NLGN1: variants seen among roughly 807,000 people sequenced by gnomAD.
NLGN1 encodes the protein neuroligin-1.
A neutral mutation model predicts 65.5 loss-of-function variants in NLGN1; 12 were observed. That is an observed-to-expected ratio of 0.18 (90% CI 0.12 to 0.30). The LOEUF is 0.30. NLGN1 is among the 10% of genes least tolerant of loss of function. The pLI, the probability that NLGN1 is intolerant of heterozygous loss-of-function variation, is 1.00. For missense variants in NLGN1, 750 were observed against 1,007.1 expected, an observed-to-expected ratio of 0.74 and a Z score of 3.46; for synonymous variants, 350 against 359.5, an observed-to-expected ratio of 0.97 and a Z score of 0.30.
At chr3:173,972,886 G>C (rs1716586951) in intron 4 of NLGN1, among the ~76,000 whole-genome samples, 1 of 152,018 alleles carries the variant, frequency 6.6e-6, no homozygotes, top group African/African-American at 2.4e-5. Context: ...AAACTCTAGG[G>C]GTGGAGCCCA....
At chr3:174,017,050 G>T (rs1462796663) in intron 4 of NLGN1, among the ~76,000 whole-genome samples, 1 of 152,140 alleles carries the variant, frequency 6.6e-6, no homozygotes, top group East Asian at 1.9e-4. Context: ...ACAGTAGTGT[G>T]TGATCATAGT....
At chr3:173,836,698 C>T (rs1042037471) in intron 4 of NLGN1, among the ~76,000 whole-genome samples, 3 of 152,126 alleles carry the variant, frequency 2.0e-5, no homozygotes, top group African/African-American at 7.2e-5. Flanking sequence ...ACTTCCATCT[C>T]CCCCATTACT....
At chr3:173,420,627 A>G (rs1327463060) in intron 1 of NLGN1, among the ~76,000 whole-genome samples, 2 of 152,140 alleles carry the variant, frequency 1.3e-5, no homozygotes, top group African/African-American at 2.4e-5. Flanking sequence ...TGGTATTTCT[A>G]GTTCTAGATC....
chr3:173,675,752 G>T (rs1763040122), intron 3 of NLGN1, among the ~76,000 whole-genome samples: 1 of 151,892 alleles, frequency 6.6e-6, no homozygotes, highest in Non-Finnish European at 1.5e-5. Context: ...TATTGGTGAT[G>T]GAACTGTTTT....
chr3:173,501,875 G>A (rs770986767), intron 2 of NLGN1, among the ~76,000 whole-genome samples: 29 of 151,904 alleles, frequency 1.9e-4, no homozygotes, highest in Non-Finnish European at 3.4e-4. Context: ...AATATTGGTT[G>A]GAAAGACTCC....
intron 2 of NLGN1, among the ~76,000 whole-genome samples, chr3:173,570,633 C>A (rs951557082): frequency 3.3e-5 from 5 of 152,166 alleles, no homozygotes; most frequent in African/African-American, 1.2e-4. Context: ...GGCCAGAGCT[C>A]TTTGTCCCCT....
At chr3:173,562,344 G>C (rs182178679) in intron 2 of NLGN1, among the ~76,000 whole-genome samples, 5 of 152,094 alleles carry the variant, frequency 3.3e-5, no homozygotes, top group Non-Finnish European at 7.4e-5. Flanking sequence ...CAAGGTGAGC[G>C]GATCATGAGA....
chr3:173,519,715 T>C (rs1028996110), intron 2 of NLGN1, among the ~76,000 whole-genome samples: 28 of 152,222 alleles, frequency 1.8e-4, no homozygotes, highest in African/African-American at 6.8e-4. Flanking sequence ...CTATTTTTTT[T>C]TTTTTTATTT....
intron 4 of NLGN1, among the ~76,000 whole-genome samples, chr3:174,150,042 AT>A (rs1724038818): frequency 6.6e-6 from 1 of 152,136 alleles, no homozygotes; most frequent in African/African-American, 2.4e-5. Context: ...TAAAAACATT[AT>A]TTGTCCCTGT....
intron 2 of NLGN1, among the ~76,000 whole-genome samples, chr3:173,459,946 A>G (rs1723096601): frequency 6.6e-6 from 1 of 152,120 alleles, no homozygotes; most frequent in Middle Eastern, 3.2e-3. Context: ...AAAGATTATG[A>G]GAAGCAATTA....
intron 4 of NLGN1, among the ~76,000 whole-genome samples, chr3:174,028,714 G>A (rs1311507185): frequency 3.9e-5 from 6 of 152,210 alleles, no homozygotes; most frequent in Admixed American, 3.9e-4. Context: ...TTTCTGAGAA[G>A]AAATTCAAGC....
At chr3:173,702,238 C>CAA (rs67328889) in intron 3 of NLGN1, among the ~76,000 whole-genome samples, 9 of 89,820 alleles carry the variant, frequency 1.0e-4, no homozygotes, top group South Asian at 4.1e-4. Flanking sequence ...GACTCCGTCT[C>CAA]AAAAAAAAAA....
At chr3:173,741,370 T>C (rs1774618879) in intron 3 of NLGN1, among the ~76,000 whole-genome samples, 1 of 152,144 alleles carries the variant, frequency 6.6e-6, no homozygotes, top group Admixed American at 6.6e-5. Flanking sequence ...ATATACCTAC[T>C]ATGTGCCAGG....
rs571786390 is a variant in NLGN1, at chr3:174,087,008, A to G, written c.647-188307A>G. 2.6e-5 allele frequency among the ~76,000 whole-genome samples: 4 copies of G among 152,312 alleles called. No individual in the cohort carries two copies. In the South Asian group the frequency reaches 8.3e-4, roughly 32 times the overall value. On this transcript the variant is annotated intron_variant, in intron 4 of 6. Coordinates refer to ENST00000457714, the Ensembl canonical transcript of NLGN1. The stretch of plus-strand genomic sequence containing the variant: ...AGCTGGAGGCCATTATCCTTCGCAA[A>G]CTAATACAGGAACAGAAAACCAAAC...
chr3:173,546,503 TA>T, intron 2 of NLGN1, among the ~76,000 whole-genome samples: 1 of 152,124 alleles, frequency 6.6e-6, no homozygotes, highest in Non-Finnish European at 1.5e-5. Context: ...TGCTGTTAAA[TA>T]AAAATATATT....
At chr3:174,127,398 G>C (rs1719167267) in intron 4 of NLGN1, among the ~76,000 whole-genome samples, 1 of 152,088 alleles carries the variant, frequency 6.6e-6, no homozygotes, top group African/African-American at 2.4e-5. Flanking sequence ...ATGTTATCCT[G>C]TTGTTATTTT....
chr3:173,470,165 G>A (rs938890201), intron 2 of NLGN1, among the ~76,000 whole-genome samples: 4 of 151,988 alleles, frequency 2.6e-5, no homozygotes, highest in African/African-American at 9.7e-5. Flanking sequence ...AAAACCCAAT[G>A]GGGACTTCTT....
chr3:173,668,622 T>C lies in NLGN1; in HGVS notation c.493+63531T>C, dbSNP rs1457535407. 5.5e-5 allele frequency among the ~76,000 whole-genome samples: 6 copies of C among 109,964 alleles called. No homozygotes were observed. The East Asian group carries it at 1.3e-3, about 24-fold the overall frequency. 72.1% of individuals were successfully genotyped at this position (109,964 alleles called of 152,430 possible). A position where few individuals can be genotyped will look rare whatever the true frequency, so the allele number is the denominator to read the frequency against. ...AGTTTCTTTTTACTTTTCTTTTCTT[T>C]TTTTTTTTTTTTTTTAAGACAGAGT... On this transcript the variant is annotated intron_variant, in intron 3 of 6. Transcript: ENST00000457714.
At chr3:173,914,037 A>G (rs949461990) in intron 4 of NLGN1, among the ~76,000 whole-genome samples, 6 of 152,170 alleles carry the variant, frequency 3.9e-5, no homozygotes, top group African/African-American at 1.4e-4. Context: ...TTCATTAGCA[A>G]GTCAAAGTGA....
Sources: gnomAD v4.1 joint callset for allele counts (sites outside exome capture counted in the v4.1 genomes callset) on GRCh38, gnomAD v4.1.1 for gene constraint, MANE v1.5 for transcripts, NCBI Gene and HGNC (gene_info 2026-07-23, HGNC 2026-07-21) for gene names.